The following PDE11A variants were observed in gnomAD, a reference collection of about 807,000 sequenced individuals.
PDE11A encodes dual 3',5'-cyclic-AMP and -GMP phosphodiesterase 11A.
PDE11A carries 100 observed loss-of-function variants against 100.5 expected under a neutral mutation model. The ratio of observed to expected loss-of-function variants is 1.00; its 90% CI spans 0.85 to 1.18. PDE11A has a LOEUF of 1.18. Ranked by LOEUF, PDE11A falls within the 50% of genes most tolerant of loss-of-function variation. The pLI is 0.00. For synonymous variants in PDE11A, 381 were observed against 420.8 expected, an observed-to-expected ratio of 0.91 and a Z score of 1.16; for missense variants, 1,141 against 1,152.6, an observed-to-expected ratio of 0.99 and a Z score of 0.15.
At chr2:177,910,743 T>C (rs143635200) in intron 2 of PDE11A, among the ~76,000 whole-genome samples, 128 of 152,292 alleles carry the variant, frequency 8.4e-4, no homozygotes, top group South Asian at 1.5e-3. Context: ...TGGAAACTCA[T>C]TAAACTATCA....
chr2:178,062,296 A>G (rs1348783250), intron 1 of PDE11A, among the ~76,000 whole-genome samples: 1 of 150,950 alleles, frequency 6.6e-6, no homozygotes, highest in Non-Finnish European at 1.5e-5. Flanking sequence ...AAGATGGGGA[A>G]GTGAGAGAAT....
chr2:177,848,842 C>T (rs542979246), intron 5 of PDE11A, among the ~76,000 whole-genome samples: 1 of 152,212 alleles, frequency 6.6e-6, no homozygotes, highest in East Asian at 1.9e-4. Context: ...GTCTGAAAGT[C>T]CTGGCTTAGC....
chr2:177,722,672 T>C lies in PDE11A; in HGVS notation c.2043+4986A>G, dbSNP rs2081547876. ...TCAAATTGATTAGCCCCATAGTTAA[T>C]TTATTGTGTCTGGTGCTGATGTTCT... On this transcript the variant is annotated intron_variant, in intron 12 of 19. Transcript: ENST00000286063. Among the ~76,000 whole-genome samples, 4 of 152,270 alleles carry C rather than the reference T, an allele frequency of 2.6e-5. No homozygotes were observed. The South Asian group carries it at 8.3e-4, about 32-fold the overall frequency.
At chr2:177,993,373 TAA>T (rs1553498356) in intron 2 of PDE11A, among the ~76,000 whole-genome samples, 1 of 150,568 alleles carries the variant, frequency 6.6e-6, no homozygotes. Context: ...TTCTTCTTTT[TAA>T]AAAAAAAATG....
chr2:177,740,949 T>C (rs2081862709), intron 10 of PDE11A, among the ~76,000 whole-genome samples: 1 of 152,108 alleles, frequency 6.6e-6, no homozygotes, highest in African/African-American at 2.4e-5. Flanking sequence ...TGAATCTGAG[T>C]TTGCTGCGTG....
At chr2:177,979,906 G>A (rs1245516752) in intron 2 of PDE11A, among the ~76,000 whole-genome samples, 4 of 150,238 alleles carry the variant, frequency 2.7e-5, no homozygotes, top group South Asian at 2.2e-4. Context: ...CACCGCGCCC[G>A]GCAGATGATC....
At chr2:178,102,069 T>A (rs2087565734) in intron 2 of PDE11A, among the ~76,000 whole-genome samples, 1 of 152,058 alleles carries the variant, frequency 6.6e-6, no homozygotes, top group Non-Finnish European at 1.5e-5. Flanking sequence ...GCTCAAGGCA[T>A]CCTCCTGCAT....
At chr2:178,002,387 G>A (rs925457232) in intron 2 of PDE11A, among the ~76,000 whole-genome samples, 3 of 152,130 alleles carry the variant, frequency 2.0e-5, no homozygotes, top group South Asian at 2.1e-4. Flanking sequence ...TCAAGTACAT[G>A]TGTCTTTTTG....
intron 9 of PDE11A, among the ~76,000 whole-genome samples, chr2:177,785,376 T>C (rs1399916013): frequency 6.6e-6 from 1 of 151,856 alleles, no homozygotes; most frequent in Non-Finnish European, 1.5e-5. Context: ...TATGTTAGAA[T>C]AGCGTTTAAA....
chr2:178,066,949 T>C (rs2087054715), intron 1 of PDE11A, among the ~76,000 whole-genome samples: 1 of 152,198 alleles, frequency 6.6e-6, no homozygotes, highest in Non-Finnish European at 1.5e-5. Flanking sequence ...CATCTTGCAC[T>C]AGGCTCCACA....
intron 1 of PDE11A, among the ~76,000 whole-genome samples, chr2:178,066,603 G>A (rs1291129254): frequency 6.6e-6 from 1 of 152,074 alleles, no homozygotes; most frequent in Non-Finnish European, 1.5e-5. Context: ...AGGTCACATG[G>A]GCTGAGGGAG....
intron 16 of PDE11A, among the ~76,000 whole-genome samples, chr2:177,677,598 G>C (rs2105500642): frequency 6.6e-6 from 1 of 152,302 alleles, no homozygotes; most frequent in African/African-American, 2.4e-5. Context: ...TGTGAGGATG[G>C]TTTGAAGAAG....
chr2:178,072,863 G>A (rs2087157838), upstream of PDE11A: 1 of 1,150,690 alleles, frequency 8.7e-7, no homozygotes, highest in Non-Finnish European at 1.1e-6. Flanking sequence ...GAGAAGAGGA[G>A]GGAGCCGCGG....
chr2:177,658,643 T>A (rs2080427678), intron 19 of PDE11A, among the ~76,000 whole-genome samples: 1 of 151,916 alleles, frequency 6.6e-6, no homozygotes, highest in South Asian at 2.1e-4. Flanking sequence ...GACCCAACTA[T>A]CTCTTCCTTT....
At chr2:177,916,918 G>C (rs112782151) in intron 2 of PDE11A, among the ~76,000 whole-genome samples, 1 of 142,428 alleles carries the variant, frequency 7.0e-6, no homozygotes, top group African/African-American at 2.7e-5. Context: ...CTGCCACCAC[G>C]CCCGGCTAAT....
intron 1 of PDE11A, chr2:178,018,584 T>C (rs972005727): frequency 2.2e-5 from 7 of 325,538 alleles, no homozygotes; most frequent in Non-Finnish European, 3.6e-5. Flanking sequence ...ATAAGTTCAT[T>C]GTTGAGACAA....
intron 9 of PDE11A, among the ~76,000 whole-genome samples, chr2:177,790,019 C>T (rs1019511515): frequency 2.0e-5 from 3 of 151,824 alleles, no homozygotes; most frequent in Admixed American, 1.3e-4. Flanking sequence ...TGACTTTCTT[C>T]ACAGAATTGG....
chr2:177,784,845 C>T (rs1166906523), intron 9 of PDE11A, among the ~76,000 whole-genome samples: 1 of 152,180 alleles, frequency 6.6e-6, no homozygotes, highest in Non-Finnish European at 1.5e-5. Flanking sequence ...GCACAGAAAT[C>T]AGAATTCATG....
chr2:178,045,113 T>A (rs111613929), intron 1 of PDE11A, among the ~76,000 whole-genome samples: 1 of 152,200 alleles, frequency 6.6e-6, no homozygotes, highest in Non-Finnish European at 1.5e-5. Context: ...CTAGAATAAG[T>A]TGCTTGCTTG....
Sources: gnomAD v4.1 joint callset for allele counts (sites outside exome capture counted in the v4.1 genomes callset) on GRCh38, gnomAD v4.1.1 for gene constraint, MANE v1.5 for transcripts, NCBI Gene and HGNC (gene_info 2026-07-23, HGNC 2026-07-21) for gene names.